ABCC10: variants seen among roughly 807,000 people sequenced by gnomAD.
The protein encoded by ABCC10 is ATP binding cassette subfamily C member 10.
A neutral mutation model predicts 143.2 loss-of-function variants in ABCC10; 110 were observed. That is an observed-to-expected ratio of 0.77 (90% CI 0.66 to 0.90). The LOEUF (loss-of-function observed/expected upper bound fraction) is 0.90, where lower values mean the gene tolerates loss of function less well. Ranked by LOEUF, ABCC10 falls within the 40% of genes least tolerant of loss-of-function variation. The pLI, the probability that ABCC10 is intolerant of heterozygous loss-of-function variation, is 0.00. For missense variants in ABCC10, 1,700 were observed against 1,900.5 expected (o/e 0.89, Z 1.96); for synonymous variants, 805 against 846.7 (o/e 0.95, Z 0.85).
At chr6:43,437,330 G>A (rs1484799608) in intron 6 of ABCC10, among the ~76,000 whole-genome samples, 1 of 151,152 alleles carries the variant, frequency 6.6e-6, no homozygotes, top group African/African-American at 2.4e-5. Flanking sequence ...GGCATCACAG[G>A]CAGATAGAGC....
At chr6:43,438,526 A>G in intron 7 of ABCC10, 98 bp from the exon 8 acceptor site, 1 of 1,513,150 alleles carries the variant, frequency 6.6e-7, no homozygotes, top group South Asian at 1.3e-5. Flanking sequence ...CCCTGTGTAG[A>G]AGACAGCAGC....
chr6:43,435,882 C>G lies in ABCC10; in HGVS notation c.1740C>G (p.His580Gln). The change falls in exon 5 of 22, where the codon CAC becomes CAG. Residue 580 changes from histidine to glutamine, a missense_variant. By Grantham distance (24) the His-to-Gln change is conservative. Coordinates refer to ENST00000372530, the MANE Select transcript of ABCC10 (RefSeq NM_001198934.2). ...RIQLFLDLPN[H>Q]NPQAYYSPDP... ...AGCTTTTCCTCGACCTTCCAAACCACAACCCCCAGGCCTACTACAGCCCAG... is the reference window on the plus strand; with the variant it reads ...AGCTTTTCCTCGACCTTCCAAACCAGAACCCCCAGGCCTACTACAGCCCAG... The G allele has an allele frequency of 6.2e-7, 1 of 1,614,186 alleles. No individual in the cohort carries two copies. The highest frequency in any genetic ancestry group is 8.5e-7 in the Non-Finnish European group (1 of 1,180,044).
chr6:43,436,256 G>T lies in ABCC10; in HGVS notation c.1875+9G>T, dbSNP rs767859042. 5.0e-6 allele frequency: 8 copies of T among 1,612,966 alleles called. No individual in the cohort carries two copies. In the East Asian group the frequency reaches 1.8e-4, roughly 36 times the overall value. On this transcript the variant is annotated intron_variant, in intron 6 of 21. Transcript: ENST00000372530. ...ATCTCGAAGTGAAAAAGGTTTGTTG[G>T]ACAGACACCCTGGGAGAGTCCTCAG...
intron 16 of ABCC10, chr6:43,446,722 C>T: frequency 7.8e-7 from 1 of 1,285,114 alleles, no homozygotes; most frequent in South Asian, 2.2e-5. Flanking sequence ...ACCACACTGC[C>T]CCAGCCCGCT....
Position 43,432,353 on chromosome 6 carries a change from T to A in ABCC10, c.373T>A (p.Ser125Thr). ...CCTGGCCCTGTGGGTGTTGGCACATTCCCCTCATGGCCACTCCCGGGGTCC... is the reference window on the plus strand; with the variant it reads ...CCTGGCCCTGTGGGTGTTGGCACATACCCCTCATGGCCACTCCCGGGGTCC... ...HSLALWVLAH[S>T]PHGHSRGPLA... Residue 125 changes from serine to threonine, a missense_variant, in exon 3 of 22, where the codon TCC (serine) becomes ACC (threonine). Coordinates refer to ENST00000372530, the MANE Select transcript of ABCC10 (RefSeq NM_001198934.2). 1 of 1,613,736 alleles carries A rather than the reference T, an allele frequency of 6.2e-7. No homozygotes were observed. The highest frequency in any genetic ancestry group is 1.1e-5 in the South Asian group (1 of 91,088).
chr6:43,427,917 G>C (rs1215931482), intron 1 of ABCC10, 51 bp from the exon 2 acceptor site: 2 of 1,599,984 alleles, frequency 1.3e-6, no homozygotes, highest in African/African-American at 2.7e-5. Context: ...GGAAGTGCAG[G>C]CAAAGCCGGC....
At chr6:43,449,252 G>T (rs752997666) in intron 20 of ABCC10, 48 bp downstream of exon 20, 2 of 1,599,766 alleles carry the variant, frequency 1.3e-6, no homozygotes, top group Non-Finnish European at 1.7e-6. Flanking sequence ...AGAAGGCTGG[G>T]GGCCGGGAGG....
rs1185919405 is a variant in ABCC10, at chr6:43,447,892, T to C, written c.3914T>C (p.Leu1305Pro). 5 of 1,613,902 alleles carry C rather than the reference T, an allele frequency of 3.1e-6. No homozygotes were observed. In the South Asian group the frequency reaches 5.5e-5, roughly 18 times the overall value. Residue 1305 changes from leucine to proline, a missense_variant, in exon 18 of 22, where the codon CTG becomes CCG. Physicochemically the swap from Leu to Pro is moderately conservative, Grantham distance 98 (BLOSUM62 -3). Coordinates refer to ENST00000372530, the MANE Select transcript of ABCC10 (RefSeq NM_001198934.2). ...CTAGAGCCCAGTTCAGGGCGAGTGC[T>C]GCTGGACGGCGTGGACACCAGCCAG... Reference protein sequence around the residue: ...RLLEPSSGRVLLDGVDTSQLE... With the variant: ...RLLEPSSGRVPLDGVDTSQLE...
intron 2 of ABCC10, among the ~76,000 whole-genome samples, 157 bp downstream of exon 2, chr6:43,428,296 G>T (rs571070384): frequency 6.6e-6 from 1 of 152,252 alleles, no homozygotes; most frequent in Non-Finnish European, 1.5e-5. Context: ...CAATGTGGCT[G>T]TTCTTGGGCA....
At chr6:43,431,304 G>C (rs1404461968) in intron 2 of ABCC10, among the ~76,000 whole-genome samples, 1 of 152,100 alleles carries the variant, frequency 6.6e-6, no homozygotes, top group East Asian at 1.9e-4. Context: ...CTGTTAGGTG[G>C]ATCCTTTTGT....
intron 6 of ABCC10, among the ~76,000 whole-genome samples, chr6:43,436,856 G>T (rs920887939): frequency 2.6e-5 from 4 of 152,176 alleles, no homozygotes; most frequent in Non-Finnish European, 5.9e-5. Context: ...CACGTTTCTG[G>T]CTTGGGCTGT....
downstream of ABCC10, chr6:43,450,455 C>T (rs1374960116): frequency 2.1e-6 from 3 of 1,458,226 alleles, no homozygotes; most frequent in Non-Finnish European, 2.7e-6. The surrounding 1 kb of genome is among the most constrained non-coding windows in gnomAD (Gnocchi z 4.5). Flanking sequence ...TGTGTGTACC[C>T]AAGCTGAAGG....
rs773454052 is a variant in ABCC10, at chr6:43,450,018, A to G, written c.4406A>G (p.Gln1469Arg). The change falls in exon 22 of 22, where the codon CAG (glutamine) becomes CGG (arginine). Residue 1469 changes from glutamine to arginine, a missense_variant. By Grantham distance (43) the Gln-to-Arg change is conservative. Transcript: ENST00000372530. This position sits in a 1 kb window ranked among gnomAD's most constrained non-coding sequence, Gnocchi z 4.5. The stretch of plus-strand genomic sequence containing the variant: ...GACTCCCCGGCCACCCTGCGCAACC[A>G]GCCCCACTCCCTGTTCCAGCAGCTG... ...ELDSPATLRN[Q>R]PHSLFQQLLQ... The G allele has an allele frequency of 1.2e-6, 2 of 1,613,422 alleles. No individual in the cohort carries two copies. Among genetic ancestry groups the G allele is most frequent in the Admixed American group, 3.3e-5 (2 of 59,996 alleles).
rs757189478 is a variant in ABCC10, at chr6:43,441,947, G to C, written c.2213G>C (p.Arg738Pro). 2.5e-6 allele frequency: 4 copies of C among 1,613,674 alleles called. No individual in the cohort carries two copies. The highest frequency in any genetic ancestry group is 3.4e-6 in the Non-Finnish European group (4 of 1,179,788). Residue 738 changes from arginine (R) to proline (P), a missense_variant, in exon 9 of 22, where the codon CGT (arginine) becomes CCT (proline). Transcript: ENST00000372530. ...GGQRARIALARAVYQEKELYL... is the reference protein window; with the variant it reads ...GGQRARIALAPAVYQEKELYL... ...CAGCGTGCCCGGATTGCCCTTGCTCGTGCTGTCTACCAGGTCAGTTAAAGA... is the reference window on the plus strand; with the variant it reads ...CAGCGTGCCCGGATTGCCCTTGCTCCTGCTGTCTACCAGGTCAGTTAAAGA...
At chr6:43,430,963 A>G (rs1781065707) in intron 2 of ABCC10, 1 of 152,084 alleles carries the variant, frequency 6.6e-6, no homozygotes, top group African/African-American at 2.4e-5. Context: ...ATCTCAAGTG[A>G]TCTGCCTGCT....
Position 43,449,482 on chromosome 6 carries a change from C to G in ABCC10, c.4264C>G (p.Gln1422Glu), listed in dbSNP as rs1437736274. The G allele has an allele frequency of 3.7e-6, 6 of 1,613,960 alleles. No individual in the cohort carries two copies. Among genetic ancestry groups the G allele is most frequent in the Non-Finnish European group, 5.1e-6 (6 of 1,179,978 alleles). The change falls in exon 21 of 22, where the codon CAG becomes GAG. Residue 1422 changes from glutamine (Q) to glutamate (E), a missense_variant. Coordinates refer to ENST00000372530, the MANE Select transcript of ABCC10 (RefSeq NM_001198934.2). Reference protein sequence around the residue: ...VDQKTDQLLQQTICKRFANKT... With the variant: ...VDQKTDQLLQETICKRFANKT... ...CCAGAAGACAGACCAGCTGCTCCAG[C>G]AGACCATCTGCAAACGCTTTGCCAA...
In ABCC10 at chr6:43,446,839, T is replaced by C. The variant is rs771432690; in HGVS notation, c.3544+393T>C. The C allele has an allele frequency of 9.9e-5, 110 of 1,108,886 alleles. 1 individual carries two copies. Among genetic ancestry groups the C allele is most frequent in the Non-Finnish European group, 1.2e-4 (106 of 908,808 alleles). The allele number at this position is 1,108,886 out of a possible 1,614,324, so 68.7% of individuals were successfully genotyped here. A position where few individuals can be genotyped will look rare whatever the true frequency, so the allele number is the denominator to read the frequency against. ...GTCCTATCACCCTCCTGCTTCTCTGTTGCTTTTTTGTTTTGTTTTTTTTTT... is the reference window on the plus strand; with the variant it reads ...GTCCTATCACCCTCCTGCTTCTCTGCTGCTTTTTTGTTTTGTTTTTTTTTT... On this transcript the variant is annotated intron_variant, in intron 16 of 21. Coordinates refer to ENST00000372530, the MANE Select transcript of ABCC10 (RefSeq NM_001198934.2).
intron 5 of ABCC10, 51 bp from the exon 6 acceptor site, chr6:43,436,087 A>C: frequency 1.2e-6 from 2 of 1,613,416 alleles, no homozygotes; most frequent in Non-Finnish European, 1.7e-6. Flanking sequence ...TACCCTCCCC[A>C]AACAGATTGT....
chr6:43,449,280 G>T, intron 20 of ABCC10, 76 bp downstream of exon 20: 1 of 1,561,764 alleles, frequency 6.4e-7, no homozygotes, highest in South Asian at 1.2e-5. Flanking sequence ...GTAGAGTGGG[G>T]AGAGGTTTTA....
Sources: gnomAD v4.1 joint callset for allele counts (sites outside exome capture counted in the v4.1 genomes callset) on GRCh38, gnomAD v4.1.1 for gene constraint, Gnocchi (gnomAD v3.1) non-coding constraint, MANE v1.5 for transcripts, NCBI Gene and HGNC (gene_info 2026-07-23, HGNC 2026-07-21) for gene names.